Variants in OTOA observed in about 807,000 individuals in gnomAD.
OTOA encodes cancer/testis antigen 108.
A neutral mutation model predicts 110.8 loss-of-function variants in OTOA; 70 were observed. The observed-to-expected ratio is 0.63, with a 90% CI of 0.52 to 0.77. OTOA has a LOEUF of 0.77. OTOA is among the 30% of genes least tolerant of loss of function. The pLI is 0.00. For missense variants in OTOA, 917 were observed against 1,075.8 expected (o/e 0.85, Z 2.06); for synonymous variants, 373 against 431.5 (o/e 0.86, Z 1.68).
intron 6 of OTOA, among the ~76,000 whole-genome samples, chr16:21,684,244 G>C (rs901908519): frequency 1.3e-5 from 2 of 152,168 alleles, no homozygotes; most frequent in African/African-American, 4.8e-5. Flanking sequence ...TAAGTGTCAA[G>C]GTGGGGATTT....
At chr16:21,718,354 G>T (rs1187478941) in intron 15 of OTOA, among the ~76,000 whole-genome samples, 1 of 152,094 alleles carries the variant, frequency 6.6e-6, no homozygotes, top group Non-Finnish European at 1.5e-5. Flanking sequence ...TCCTGAGATG[G>T]GGAAGACCAT....
rs1021528040 is a variant in OTOA, at chr16:21,690,791, C to A, written c.636-793C>A. Among the ~76,000 whole-genome samples the A allele has an allele frequency of 2.6e-5, 4 of 151,678 alleles. 1 individual carries two copies. The highest frequency in any genetic ancestry group is 4.4e-5 in the Non-Finnish European group (3 of 67,930). On this transcript the variant is annotated intron_variant, in intron 8 of 28. Transcript: ENST00000646100. ...ACACTGTCTTCCACAATGGTTGAAC[C>A]AATTTACATTCAAGAAAGGGAAGGT...
chr16:21,716,216 A>G (rs1358396117), intron 14 of OTOA, among the ~76,000 whole-genome samples: 1 of 151,500 alleles, frequency 6.6e-6, no homozygotes, highest in Non-Finnish European at 1.5e-5. Context: ...TTTACTTGTC[A>G]GGGAGTCTTT....
intron 9 of OTOA, among the ~76,000 whole-genome samples, chr16:21,697,097 G>A (rs951918828): frequency 3.7e-5 from 5 of 134,212 alleles, no homozygotes; most frequent in Admixed American, 8.3e-5. Context: ...GCTCAGGCTG[G>A]TCTCAAACTC....
In OTOA at chr16:21,679,211, G is replaced by A. The variant is rs1388167388; in HGVS notation, c.179G>A (p.Ser60Asn). 6.2e-7 allele frequency: 1 copy of A among 1,613,184 alleles called. No homozygotes were observed. Among genetic ancestry groups the A allele is most frequent in the Admixed American group, 1.7e-5 (1 of 59,978 alleles). The stretch of plus-strand genomic sequence containing the variant: ...CTGCTGGATCTCATACAGTTTCAAA[G>A]GTAAAATGCCCTAGAGGAGAGGGGA... Reference protein sequence around the residue: ...NALLDLIQFQSSHVWTDDLSH... With the variant: ...NALLDLIQFQNSHVWTDDLSH... The change falls in exon 5 of 29, where the codon AGC (serine) becomes AAC (asparagine). Residue 60 changes from serine to asparagine, a missense_variant and splice_region_variant. Physicochemically the swap from Ser to Asn is conservative, Grantham distance 46 (BLOSUM62 1). Transcript: ENST00000646100.
rs538043577 is a variant in OTOA, at chr16:21,715,638, G to A, written c.1488+486G>A. On this transcript the variant is annotated intron_variant, in intron 14 of 28. Coordinates refer to ENST00000646100, the MANE Select transcript of OTOA (RefSeq NM_144672.4). ...TAGAGACATGGTCTTGCTATGTTGC[G>A]CAGGCTAGTCTCAAACTCCTGGCCT... Among the ~76,000 whole-genome samples the A allele has an allele frequency of 3.3e-5, 5 of 151,588 alleles. No homozygotes were observed. In the South Asian group the frequency reaches 1.0e-3, roughly 32 times the overall value.
intron 1 of OTOA, among the ~76,000 whole-genome samples, chr16:21,665,659 CCTTT>C (rs1966839423): frequency 6.6e-6 from 1 of 152,026 alleles, no homozygotes; most frequent in Non-Finnish European, 1.5e-5. Flanking sequence ...CCAGTTTCTT[CCTTT>C]CTTTCCTTCT....
chr16:21,695,891 A>ATATATATATATATATAT (rs569493650), intron 9 of OTOA, among the ~76,000 whole-genome samples: 2 of 41,902 alleles, frequency 4.8e-5, no homozygotes, highest in African/African-American at 2.9e-4. Flanking sequence ...ATATATATAT[A>ATATATATATATATATAT]TTTTTTTTTT....
rs202239498 is a variant in OTOA at position 21,734,693 on chromosome 16, C to T, written c.2302-1568C>T. On this transcript the variant is annotated intron_variant, in intron 21 of 28. Coordinates refer to ENST00000646100, the MANE Select transcript of OTOA (RefSeq NM_144672.4). ...CTACTAAAAAATACAAAAAATTAGCCGGGCGTGGTGGTGGGCACATGTAGT... is the reference window on the plus strand; with the variant it reads ...CTACTAAAAAATACAAAAAATTAGCTGGGCGTGGTGGTGGGCACATGTAGT... 6.6e-4 allele frequency among the ~76,000 whole-genome samples: 100 copies of T among 151,794 alleles called. 1 individual carries two copies. The highest frequency in any genetic ancestry group is 1.5e-3 in the African/African-American group (63 of 41,376).
chr16:21,715,016 G>A lies in OTOA; in HGVS notation c.1352G>A (p.Gly451Asp), dbSNP rs200656442. Reference sequence around the variant, plus strand: ...TCTTTCTACAATGTCAGCCAGATGGGCGCACTGCTGGCTGGGGTCAGCACC... The same window carrying A: ...TCTTTCTACAATGTCAGCCAGATGGACGCACTGCTGGCTGGGGTCAGCACC... Reference protein sequence around the residue: ...VLSFYNVSQMGALLAGVSTQA... With the variant: ...VLSFYNVSQMDALLAGVSTQA... Residue 451 changes from glycine (G) to aspartate (D), a missense_variant, in exon 14 of 29, where the codon GGC becomes GAC. Physicochemically the swap from Gly to Asp is moderately conservative, Grantham distance 94 (BLOSUM62 -1). Around this residue, in one of 6 missense-constraint regions of OTOA, gnomAD observed 840 missense variants for 910.2 expected, o/e 0.92. Transcript: ENST00000646100. 3.1e-6 allele frequency: 5 copies of A among 1,614,214 alleles called. No individual in the cohort carries two copies. In the South Asian group the frequency reaches 4.4e-5, roughly 14 times the overall value.
chr16:21,695,272 A>G (rs1164568069), intron 9 of OTOA, among the ~76,000 whole-genome samples: 2 of 137,474 alleles, frequency 1.5e-5, no homozygotes, highest in Non-Finnish European at 3.1e-5. Context: ...TGATGTGGTG[A>G]TGTGTGCCTG....
chr16:21,699,920 AAAAAATAAAAAT>A (rs946608562), intron 10 of OTOA, among the ~76,000 whole-genome samples: 3 of 151,986 alleles, frequency 2.0e-5, no homozygotes, highest in Admixed American at 6.6e-5. Flanking sequence ...CTCCATCTCA[AAAAAATAAAAAT>A]AAAAATAAAA....
chr16:21,674,025 C>T (rs1191995672), intron 1 of OTOA, among the ~76,000 whole-genome samples: 2 of 152,096 alleles, frequency 1.3e-5, no homozygotes, highest in African/African-American at 4.8e-5. Context: ...TCTTGATCTC[C>T]TGACCTCGTG....
chr16:21,735,840 T>C (rs1253220062), intron 21 of OTOA, among the ~76,000 whole-genome samples: 2 of 152,148 alleles, frequency 1.3e-5, no homozygotes. Flanking sequence ...GTGATTTGCC[T>C]GCCTCGACCT....
chr16:21,734,374 G>A (rs1043364276), intron 21 of OTOA, among the ~76,000 whole-genome samples: 15 of 149,458 alleles, frequency 1.0e-4, no homozygotes, highest in African/African-American at 3.2e-4. Context: ...CTATTGGAGA[G>A]TGAAAGGTGG....
chr16:21,684,127 TAA>T (rs80259883), intron 6 of OTOA, among the ~76,000 whole-genome samples: 3 of 144,730 alleles, frequency 2.1e-5, no homozygotes, highest in Non-Finnish European at 1.5e-5. Flanking sequence ...ATACTTATAC[TAA>T]AAAAAAAAAA....
chr16:21,757,541 A>G lies in OTOA; in HGVS notation c.3349+264A>G, dbSNP rs563421424. Reference sequence around the variant, plus strand: ...CCCGCCCCTACCCAGAACGCATAACATCAGAAACTCAGGACTAATTTCATT... The same window carrying G: ...CCCGCCCCTACCCAGAACGCATAACGTCAGAAACTCAGGACTAATTTCATT... On this transcript the variant is annotated intron_variant, in intron 28 of 28. Transcript: ENST00000646100. 1.2e-4 allele frequency among the ~76,000 whole-genome samples: 18 copies of G among 152,378 alleles called. No individual in the cohort carries two copies. In the East Asian group the frequency reaches 3.5e-3, roughly 30 times the overall value.
chr16:21,684,720 C>A (rs117580635), intron 6 of OTOA, among the ~76,000 whole-genome samples: 193 of 126,912 alleles, frequency 1.5e-3, no homozygotes, highest in East Asian at 7.3e-3. Context: ...GAGGAATCCC[C>A]TTATTATTAT....
intron 1 of OTOA, among the ~76,000 whole-genome samples, chr16:21,671,860 C>T (rs1966849629): frequency 6.6e-6 from 1 of 152,066 alleles, no homozygotes; most frequent in Non-Finnish European, 1.5e-5. Context: ...GGGCTGGGTG[C>T]AATGGCATCC....
Sources: allele counts gnomAD v4.1 joint callset (sites outside exome capture counted in the v4.1 genomes callset), GRCh38; gene constraint gnomAD v4.1.1; regional missense constraint gnomAD v4.1.1; transcripts MANE v1.5; gene names NCBI Gene and HGNC (gene_info 2026-07-23, HGNC 2026-07-21).